Variants in RAB2A observed in about 807,000 individuals in gnomAD.
RAB2A encodes the protein ras-related protein Rab-2A.
A neutral mutation model predicts 32.5 loss-of-function variants in RAB2A; 7 were observed. That is an observed-to-expected ratio of 0.22 (90% CI 0.12 to 0.40). The LOEUF (loss-of-function observed/expected upper bound fraction) is 0.40. RAB2A is among the 10% of genes least tolerant of loss of function. The pLI is 1.00. For synonymous variants in RAB2A, 79 were observed against 85.2 expected, an observed-to-expected ratio of 0.93 and a Z score of 0.40; for missense variants, 108 against 260.7, an observed-to-expected ratio of 0.41 and a Z score of 4.03.
intron 6 of RAB2A, among the ~76,000 whole-genome samples, chr8:60,609,003 CTG>C (rs905866027): frequency 6.6e-6 from 1 of 152,194 alleles, no homozygotes; most frequent in African/African-American, 2.4e-5. Flanking sequence ...GTCCCTTACA[CTG>C]TGACCTCTGG....
intron 5 of RAB2A, among the ~76,000 whole-genome samples, chr8:60,586,569 C>T (rs2130850427): frequency 6.6e-6 from 1 of 151,866 alleles, no homozygotes; most frequent in Admixed American, 6.6e-5. Context: ...AGAGATATAA[C>T]CATGTTCATG....
At chr8:60,564,621 CAAAT>C (rs1318972492) in intron 2 of RAB2A, among the ~76,000 whole-genome samples, 2 of 152,014 alleles carry the variant, frequency 1.3e-5, no homozygotes, top group Non-Finnish European at 2.9e-5. Flanking sequence ...GAACATGTCC[CAAAT>C]AGTTTCTGAT....
intron 1 of RAB2A, among the ~76,000 whole-genome samples, chr8:60,530,808 G>GTCAT (rs1375752958): frequency 2.0e-5 from 2 of 102,166 alleles, no homozygotes; most frequent in African/African-American, 7.5e-5. Flanking sequence ...ATGCCCACTT[G>GTCAT]TCATGGGCTT....
rs1045945948 is a variant in RAB2A at position 60,621,213 on chromosome 8, A to G, written c.*444A>G. On this transcript the variant is annotated 3_prime_UTR_variant, in exon 8 of 8. Coordinates refer to ENST00000262646, the MANE Select transcript of RAB2A (RefSeq NM_002865.3). Reference sequence around the variant, plus strand: ...AACAGAAGGACTCTTTTAATTCTGTATTTATCATTTACTTTCTGTATATAT... The same window carrying G: ...AACAGAAGGACTCTTTTAATTCTGTGTTTATCATTTACTTTCTGTATATAT... 6.5e-6 allele frequency: 1 copy of G among 154,898 alleles called. No individual in the cohort carries two copies. The highest frequency in any genetic ancestry group is 1.4e-5 in the Non-Finnish European group (1 of 69,632). The allele number at this position is 154,898 out of a possible 1,614,324, so 9.6% of individuals were successfully genotyped here.
At chr8:60,587,084 C>T (rs1011174598) in intron 5 of RAB2A, among the ~76,000 whole-genome samples, 1 of 151,928 alleles carries the variant, frequency 6.6e-6, no homozygotes, top group African/African-American at 2.4e-5. Flanking sequence ...CAAAGAGGCA[C>T]AATATTGGAG....
chr8:60,564,957 G>A (rs1808081484), intron 2 of RAB2A, among the ~76,000 whole-genome samples: 1 of 152,186 alleles, frequency 6.6e-6, no homozygotes, highest in Admixed American at 6.5e-5. Flanking sequence ...ATTCCTATAT[G>A]TTATACTATT....
chr8:60,535,825 G>A (rs918104648), intron 1 of RAB2A, among the ~76,000 whole-genome samples: 1 of 152,146 alleles, frequency 6.6e-6, no homozygotes, highest in Non-Finnish European at 1.5e-5. Context: ...ACCATGTATT[G>A]TCTCTTGATG....
intron 6 of RAB2A, among the ~76,000 whole-genome samples, chr8:60,597,568 G>C (rs962140961): frequency 6.6e-6 from 1 of 151,778 alleles, no homozygotes; most frequent in African/African-American, 2.4e-5. Context: ...ATGTATCCCA[G>C]AACTTAAAGT....
At chr8:60,594,256 A>G (rs1170223398) in intron 6 of RAB2A, among the ~76,000 whole-genome samples, 2 of 152,224 alleles carry the variant, frequency 1.3e-5, no homozygotes, top group African/African-American at 2.4e-5. Context: ...CAAAAAGTAT[A>G]TAAACCTACA....
intron 2 of RAB2A, among the ~76,000 whole-genome samples, chr8:60,568,101 A>G (rs1206298577): frequency 6.6e-6 from 1 of 152,222 alleles, no homozygotes; most frequent in Non-Finnish European, 1.5e-5. Context: ...GAACTTCTGC[A>G]GTGTCTAGGT....
At chr8:60,532,405 A>G (rs1001482253) in intron 1 of RAB2A, among the ~76,000 whole-genome samples, 2 of 152,216 alleles carry the variant, frequency 1.3e-5, no homozygotes, top group African/African-American at 4.8e-5. Flanking sequence ...ATAATAATGT[A>G]TGCCCGATGA....
intron 1 of RAB2A, among the ~76,000 whole-genome samples, chr8:60,546,473 A>C (rs1158183107): frequency 6.6e-6 from 1 of 152,192 alleles, no homozygotes; most frequent in Non-Finnish European, 1.5e-5. Context: ...ACAGGGAGAG[A>C]GGGCTGAGAT....
intron 6 of RAB2A, among the ~76,000 whole-genome samples, chr8:60,593,643 A>T (rs1803975814): frequency 6.6e-6 from 1 of 152,210 alleles, no homozygotes; most frequent in Non-Finnish European, 1.5e-5. Context: ...AATAAGACCC[A>T]GAGTCTCATA....
At chr8:60,535,145 G>T (rs1267725943) in intron 1 of RAB2A, among the ~76,000 whole-genome samples, 1 of 152,174 alleles carries the variant, frequency 6.6e-6, no homozygotes, top group Non-Finnish European at 1.5e-5. Context: ...GTTTCACAGT[G>T]CATTATTTTA....
intron 1 of RAB2A, among the ~76,000 whole-genome samples, chr8:60,537,371 G>T (rs1007505949): frequency 6.6e-6 from 1 of 152,118 alleles, no homozygotes; most frequent in African/African-American, 2.4e-5. Context: ...AGAGGCATGT[G>T]CTACCACGCC....
chr8:60,577,518 C>T (rs865993936), intron 3 of RAB2A, among the ~76,000 whole-genome samples: 3 of 152,286 alleles, frequency 2.0e-5, no homozygotes, highest in Non-Finnish European at 2.9e-5. Flanking sequence ...CTAAAAATCA[C>T]TTTGATTCTT....
intron 2 of RAB2A, among the ~76,000 whole-genome samples, chr8:60,565,768 T>C (rs13277621): frequency 8.0e-6 from 1 of 125,046 alleles, no homozygotes; most frequent in Non-Finnish European, 1.6e-5. Flanking sequence ...TGGAGTACAG[T>C]GGTGCCATCT....
intron 1 of RAB2A, among the ~76,000 whole-genome samples, chr8:60,522,244 A>G (rs1034979997): frequency 1.8e-4 from 27 of 152,238 alleles, no homozygotes; most frequent in South Asian, 2.1e-4. Flanking sequence ...AGTAGAGGTC[A>G]GGGACTATTG....
chr8:60,542,557 A>G (rs182243936), intron 1 of RAB2A, among the ~76,000 whole-genome samples: 30 of 152,226 alleles, frequency 2.0e-4, no homozygotes, highest in East Asian at 1.7e-3. Context: ...CAGAGGCCCA[A>G]TGTGTAAGAG....
Sources: gnomAD v4.1 joint callset for allele counts (sites outside exome capture counted in the v4.1 genomes callset) on GRCh38, gnomAD v4.1.1 for gene constraint, MANE v1.5 for transcripts, NCBI Gene and HGNC (gene_info 2026-07-23, HGNC 2026-07-21) for gene names.